PPP2R5E: variants seen among roughly 807,000 people sequenced by gnomAD.
PPP2R5E encodes protein phosphatase 2 regulatory subunit B'epsilon.
Under a neutral mutation model 65.3 loss-of-function variants are expected in PPP2R5E, and 4 were observed. The ratio of observed to expected loss-of-function variants is 0.06; its 90% CI spans 0.03 to 0.14. The LOEUF is 0.14. Ranked by LOEUF, PPP2R5E falls within the 10% of genes least tolerant of loss-of-function variation. The pLI is 1.00. For synonymous variants in PPP2R5E, 183 were observed against 187.4 expected (o/e 0.98, Z 0.19); for missense variants, 274 against 556.1 (o/e 0.49, Z 5.10).
chr14:63,506,090 T>C (rs1185191637), intron 2 of PPP2R5E, among the ~76,000 whole-genome samples: 4 of 151,782 alleles, frequency 2.6e-5, no homozygotes, highest in African/African-American at 9.7e-5. Flanking sequence ...TGGGAGAAAA[T>C]ATTTGCAAAT....
intron 5 of PPP2R5E, among the ~76,000 whole-genome samples, chr14:63,406,547 T>C (rs1016000827): frequency 1.3e-5 from 2 of 152,214 alleles, no homozygotes; most frequent in Admixed American, 1.3e-4. Context: ...CAACCGTTAC[T>C]GGGAGCGGAT....
intron 3 of PPP2R5E, among the ~76,000 whole-genome samples, chr14:63,428,685 A>G (rs1887469595): frequency 1.3e-5 from 2 of 152,236 alleles, no homozygotes; most frequent in African/African-American, 4.8e-5. Flanking sequence ...CAAATGTGAA[A>G]GAAGAGACTA....
chr14:63,423,554 G>A (rs536053994), intron 3 of PPP2R5E, among the ~76,000 whole-genome samples: 1 of 152,258 alleles, frequency 6.6e-6, no homozygotes, highest in South Asian at 2.1e-4. Flanking sequence ...ATAAGACAGG[G>A]AGGGACAGGA....
chr14:63,518,941 G>A (rs974460579), intron 2 of PPP2R5E, among the ~76,000 whole-genome samples: 2 of 152,148 alleles, frequency 1.3e-5, no homozygotes, highest in African/African-American at 2.4e-5. Flanking sequence ...AAAAGAGGCC[G>A]GGCGCAGTGG....
intron 2 of PPP2R5E, among the ~76,000 whole-genome samples, chr14:63,462,525 C>CT (rs1041384616): frequency 1.3e-5 from 2 of 151,416 alleles, no homozygotes; most frequent in East Asian, 1.9e-4. Context: ...TATACTGCAA[C>CT]TTTTTTTTTA....
In PPP2R5E at chr14:63,375,761, A is replaced by T. The variant is rs1185818599; in HGVS notation, c.*248T>A. On this transcript the variant is annotated 3_prime_UTR_variant, in exon 14 of 14. Transcript: ENST00000337537. Reference sequence around the variant, plus strand: ...TCTTTGAAGACCGATTTTTTTTTTTAAAAGAGGGTGAGAACAATGATTATG... The same window carrying T: ...TCTTTGAAGACCGATTTTTTTTTTTTAAAGAGGGTGAGAACAATGATTATG... 32 of 269,114 alleles carry T rather than the reference A, an allele frequency of 1.2e-4. No homozygotes were observed. Among genetic ancestry groups the T allele is most frequent in the Admixed American group, 5.3e-4 (10 of 18,952 alleles). 16.7% of individuals were successfully genotyped at this position (269,114 alleles called of 1,614,324 possible). A position where few individuals can be genotyped will look rare whatever the true frequency, so the allele number is the denominator to read the frequency against.
chr14:63,446,356 T>C (rs1371391223), intron 3 of PPP2R5E, among the ~76,000 whole-genome samples: 1 of 152,208 alleles, frequency 6.6e-6, no homozygotes, highest in Non-Finnish European at 1.5e-5. Context: ...CTAAATGGCA[T>C]CTAGAATGGT....
intron 3 of PPP2R5E, chr14:63,452,729 G>A (rs1160151401): frequency 2.0e-5 from 3 of 152,170 alleles, no homozygotes; most frequent in African/African-American, 7.2e-5. Context: ...AAGTGCCTTT[G>A]CAAATCTGAA....
chr14:63,463,226 G>A lies in PPP2R5E; in HGVS notation c.158-9341C>T, dbSNP rs190495601. On this transcript the variant is annotated intron_variant, in intron 2 of 13. Transcript: ENST00000337537. Reference sequence around the variant, plus strand: ...ACAATCTCTGCTCACTGCAACCTCCGCCTACTGGGTTCAAGTGATTCTCCT... The same window carrying A: ...ACAATCTCTGCTCACTGCAACCTCCACCTACTGGGTTCAAGTGATTCTCCT... 7.2e-3 allele frequency among the ~76,000 whole-genome samples: 1,083 copies of A among 149,578 alleles called. 13 individuals carry two copies. Among genetic ancestry groups the A allele is most frequent in the African/African-American group, 0.023 (939 of 40,826 alleles).
At chr14:63,418,811 C>T (rs1886841835) in intron 4 of PPP2R5E, among the ~76,000 whole-genome samples, 2 of 150,456 alleles carry the variant, frequency 1.3e-5, no homozygotes, top group African/African-American at 2.4e-5. Flanking sequence ...CCAAAAGATC[C>T]ACAATTTGTT....
chr14:63,397,882 C>T (rs914995324), intron 5 of PPP2R5E, among the ~76,000 whole-genome samples: 1 of 152,002 alleles, frequency 6.6e-6, no homozygotes, highest in African/African-American at 2.4e-5. Flanking sequence ...CACCTACCAC[C>T]GTGCCCAGCT....
chr14:63,381,928 G>A lies in PPP2R5E; in HGVS notation c.1304+128C>T. ...TCTCAGAACATATACTGGTTGTTAA[G>A]TAATGCATGACTGTAAACAAAATTG... On this transcript the variant is annotated intron_variant, in intron 13 of 13. Coordinates refer to ENST00000337537, the MANE Select transcript of PPP2R5E (RefSeq NM_006246.5). The A allele has an allele frequency of 3.1e-6, 2 of 639,250 alleles. 1 individual carries two copies. The highest frequency in any genetic ancestry group is 4.1e-5 in the South Asian group (2 of 48,928). The allele number at this position is 639,250 out of a possible 1,614,324, so 39.6% of individuals were successfully genotyped here.
intron 5 of PPP2R5E, among the ~76,000 whole-genome samples, chr14:63,407,085 T>C (rs145691954): frequency 6.6e-6 from 1 of 152,334 alleles, no homozygotes; most frequent in African/African-American, 2.4e-5. Flanking sequence ...AGAGTTTGTA[T>C]AGGTATTTAG....
intron 2 of PPP2R5E, among the ~76,000 whole-genome samples, chr14:63,526,658 G>A (rs560014912): frequency 6.6e-6 from 1 of 152,282 alleles, no homozygotes; most frequent in East Asian, 1.9e-4. Flanking sequence ...CCGGAATCAG[G>A]TGATTCTCTC....
intron 1 of PPP2R5E, among the ~76,000 whole-genome samples, chr14:63,541,782 T>A (rs1333721851): frequency 6.6e-6 from 1 of 152,140 alleles, no homozygotes; most frequent in Admixed American, 6.5e-5. Context: ...ACACATATGA[T>A]GTTGACGTTT....
chr14:63,419,050 T>C (rs549377751), intron 4 of PPP2R5E, among the ~76,000 whole-genome samples: 19 of 152,314 alleles, frequency 1.2e-4, no homozygotes, highest in African/African-American at 4.3e-4. Flanking sequence ...TTTCACTATG[T>C]TAGCCAGGCT....
intron 2 of PPP2R5E, among the ~76,000 whole-genome samples, chr14:63,467,108 C>A (rs1393574367): frequency 6.6e-6 from 1 of 151,694 alleles, no homozygotes; most frequent in African/African-American, 2.4e-5. Context: ...CGCCTGTAGT[C>A]CCAGCTACTC....
chr14:63,398,015 CA>C (rs952766477), intron 5 of PPP2R5E, among the ~76,000 whole-genome samples: 36 of 152,174 alleles, frequency 2.4e-4, no homozygotes, highest in African/African-American at 8.4e-4. Context: ...AGGTGTGAGC[CA>C]CCATGCCTGG....
chr14:63,451,028 C>G (rs1278128393), intron 3 of PPP2R5E, among the ~76,000 whole-genome samples: 1 of 152,130 alleles, frequency 6.6e-6, no homozygotes, highest in African/African-American at 2.4e-5. Context: ...TGTGGAGCAG[C>G]AGAAATTCTC....
Sources: gnomAD v4.1 joint callset for allele counts (sites outside exome capture counted in the v4.1 genomes callset) on GRCh38, gnomAD v4.1.1 for gene constraint, MANE v1.5 for transcripts, NCBI Gene and HGNC (gene_info 2026-07-23, HGNC 2026-07-21) for gene names.